Variants in TIAM1 observed in about 807,000 individuals in gnomAD.
TIAM1 encodes the protein rho guanine nucleotide exchange factor TIAM1.
TIAM1 carries 65 observed loss-of-function variants against 163.5 expected under a neutral mutation model. That is an observed-to-expected ratio of 0.40 (90% CI 0.33 to 0.49). The LOEUF (loss-of-function observed/expected upper bound fraction) is 0.49, where lower values mean the gene tolerates loss of function less well. Among genes scored for constraint, TIAM1 ranks in the 20% least tolerant of loss-of-function variants. The pLI is 0.77. For missense variants in TIAM1, 1,789 were observed against 2,044.7 expected (o/e 0.87, Z 2.41); for synonymous variants, 833 against 810.1 (o/e 1.03, Z -0.48).
rs16987912 is a variant in TIAM1 at position 31,185,281 on chromosome 21, G to C, written c.2662+1720C>G. Among the ~76,000 whole-genome samples, 2,564 of 151,506 alleles carry C rather than the reference G, an allele frequency of 0.017. 230 individuals are homozygous for C. In the East Asian group the frequency reaches 0.27, roughly 16 times the overall value. ...GTCGAATAGAGTCCCTGTCCACCTA[G>C]AATGTCAGAATGCAACCTTCTTTGG... is the stretch of plus-strand genomic sequence containing the variant. On this transcript the variant is annotated intron_variant, in intron 14 of 27. Transcript: ENST00000541036.
chr21:31,322,663 G>C (rs1185490278), intron 2 of TIAM1, among the ~76,000 whole-genome samples: 1 of 152,136 alleles, frequency 6.6e-6, no homozygotes, highest in Non-Finnish European at 1.5e-5. Flanking sequence ...ACGATGCATT[G>C]ACTTTTCTGT....
intron 1 of TIAM1, among the ~76,000 whole-genome samples, chr21:31,518,291 T>G (rs1265557632): frequency 6.6e-6 from 1 of 151,958 alleles, no homozygotes; most frequent in Non-Finnish European, 1.5e-5. Context: ...GTGGGTTTTT[T>G]GGGGTTTTTT....
At chr21:31,280,380 C>T (rs1421335305) in intron 2 of TIAM1, among the ~76,000 whole-genome samples, 1 of 152,120 alleles carries the variant, frequency 6.6e-6, no homozygotes, top group African/African-American at 2.4e-5. Context: ...CTACGGCCAT[C>T]CAGGTAAGAT....
At chr21:31,184,342 G>A (rs1230056499) in intron 14 of TIAM1, among the ~76,000 whole-genome samples, 1 of 152,144 alleles carries the variant, frequency 6.6e-6, no homozygotes, top group Non-Finnish European at 1.5e-5. Flanking sequence ...CTCACCTCAG[G>A]TGATCCGCCC....
chr21:31,346,657 T>C (rs908324016), upstream of TIAM1, among the ~76,000 whole-genome samples: 7 of 152,176 alleles, frequency 4.6e-5, no homozygotes, highest in Admixed American at 6.5e-5. Context: ...CATTTCTCCA[T>C]TGACAATTAT....
At chr21:31,234,730 C>T (rs2088648543) in intron 6 of TIAM1, among the ~76,000 whole-genome samples, 1 of 151,974 alleles carries the variant, frequency 6.6e-6, no homozygotes, top group Admixed American at 6.6e-5. Flanking sequence ...TGCAATCAGC[C>T]ATGATTATAC....
chr21:31,164,879 C>T, intron 16 of TIAM1, 83 bp downstream of exon 16: 5 of 1,401,548 alleles, frequency 3.6e-6, no homozygotes, highest in Non-Finnish European at 5.0e-6. Flanking sequence ...GCCTGGTAAC[C>T]ACATACAGCT....
intron 6 of TIAM1, among the ~76,000 whole-genome samples, chr21:31,234,926 G>A (rs2088661600): frequency 6.6e-6 from 1 of 152,124 alleles, no homozygotes; most frequent in Admixed American, 6.6e-5. Context: ...AACATAATCA[G>A]AAAATAATTA....
chr21:31,285,658 A>G (rs1214034435), intron 2 of TIAM1, among the ~76,000 whole-genome samples: 1 of 152,174 alleles, frequency 6.6e-6, no homozygotes, highest in East Asian at 1.9e-4. Flanking sequence ...TCAGGAGTTA[A>G]GAGTCCAGCC....
chr21:31,216,277 T>C (rs1348140669), intron 9 of TIAM1, among the ~76,000 whole-genome samples: 1 of 152,172 alleles, frequency 6.6e-6, no homozygotes, highest in Non-Finnish European at 1.5e-5. Context: ...ATTTCTTAAG[T>C]AAATTAATGG....
chr21:31,402,215 A>G (rs1395419757), intron 2 of TIAM1, among the ~76,000 whole-genome samples: 1 of 152,104 alleles, frequency 6.6e-6, no homozygotes. Flanking sequence ...CTGTCTCAAA[A>G]AAAACAACAA....
intron 2 of TIAM1, among the ~76,000 whole-genome samples, chr21:31,418,864 C>A (rs983470589): frequency 6.6e-6 from 1 of 152,182 alleles, no homozygotes; most frequent in East Asian, 1.9e-4. Context: ...TTAGAACTAC[C>A]GTTTCTTTTA....
At chr21:31,543,004 C>G (rs2048368881) in intron 1 of TIAM1, among the ~76,000 whole-genome samples, 1 of 151,918 alleles carries the variant, frequency 6.6e-6, no homozygotes, top group African/African-American at 2.4e-5. Context: ...AAAAACAGGT[C>G]CAGAAGGGCT....
intron 1 of TIAM1, among the ~76,000 whole-genome samples, chr21:31,543,002 G>A (rs1348302002): frequency 6.6e-6 from 1 of 151,964 alleles, no homozygotes; most frequent in Non-Finnish European, 1.5e-5. Context: ...ATAAAAACAG[G>A]TCCAGAAGGG....
In TIAM1 at chr21:31,366,517, A is replaced by G. The variant is rs150220945; in HGVS notation, c.-368-27095T>C. Among the ~76,000 whole-genome samples, 380 of 152,252 alleles carry G rather than the reference A, an allele frequency of 2.5e-3. 1 individual carries two copies. The highest frequency in any genetic ancestry group is 8.9e-3 in the African/African-American group (370 of 41,536). On this transcript the variant is annotated intron_variant, in intron 2 of 28. Coordinates refer to the TIAM1 transcript ENST00000286827. ...AGGCCATCCATCAGGAGAAAGCTCA[A>G]TGTCATCTTCATGGTGAGCACTATG...
chr21:31,148,848 G>C (rs998036881), intron 19 of TIAM1, among the ~76,000 whole-genome samples: 2 of 152,142 alleles, frequency 1.3e-5, no homozygotes, highest in African/African-American at 4.8e-5. Context: ...ATTTCCAAAT[G>C]AAAATTTTAT....
chr21:31,402,772 A>AC (rs2077187154), intron 2 of TIAM1, among the ~76,000 whole-genome samples: 1 of 151,424 alleles, frequency 6.6e-6, no homozygotes, highest in Non-Finnish European at 1.5e-5. Context: ...CCATGGTGAA[A>AC]CCCCGTCTCT....
At chr21:31,483,637 G>A (rs566762471) in intron 1 of TIAM1, among the ~76,000 whole-genome samples, 47 of 152,150 alleles carry the variant, frequency 3.1e-4, no homozygotes, top group African/African-American at 1.1e-3. Flanking sequence ...GAGCATTCAA[G>A]ATACCTACAA....
intron 1 of TIAM1, among the ~76,000 whole-genome samples, chr21:31,496,038 T>C (rs1235090626): frequency 6.6e-6 from 1 of 152,070 alleles, no homozygotes; most frequent in African/African-American, 2.4e-5. Context: ...GGACAAGACG[T>C]GGAGGTGGAC....
Sources: allele counts gnomAD v4.1 joint callset (sites outside exome capture counted in the v4.1 genomes callset), GRCh38; gene constraint gnomAD v4.1.1; transcripts MANE v1.5; gene names NCBI Gene and HGNC (gene_info 2026-07-23, HGNC 2026-07-21).